Variants in SORCS3 observed in about 807,000 individuals in gnomAD.
SORCS3 encodes the protein sortilin related VPS10 domain containing receptor 3.
SORCS3 carries 57 observed loss-of-function variants against 146.3 expected under a neutral mutation model. That is an observed-to-expected ratio of 0.39 (90% CI 0.31 to 0.49). The LOEUF (loss-of-function observed/expected upper bound fraction) is 0.49. SORCS3 is among the 20% of genes least tolerant of loss of function. The pLI is 0.92. For synonymous variants in SORCS3, 653 were observed against 618.5 expected, an observed-to-expected ratio of 1.06 and a Z score of -0.83; for missense variants, 1,341 against 1,575.5, an observed-to-expected ratio of 0.85 and a Z score of 2.52.
chr10:105,038,232 TAA>T (rs2133700952), intron 4 of SORCS3, among the ~76,000 whole-genome samples: 1 of 152,328 alleles, frequency 6.6e-6, no homozygotes, highest in South Asian at 2.1e-4. Flanking sequence ...TGTAACTGTA[TAA>T]ACAAGGAAAG....
At chr10:104,787,974 A>G (rs946923016) in intron 1 of SORCS3, among the ~76,000 whole-genome samples, 1 of 152,180 alleles carries the variant, frequency 6.6e-6, no homozygotes, top group Non-Finnish European at 1.5e-5. Flanking sequence ...AAGCCCATCA[A>G]TGTGGCCTGG....
At chr10:104,821,355 A>G (rs2017870738) in intron 1 of SORCS3, among the ~76,000 whole-genome samples, 1 of 152,140 alleles carries the variant, frequency 6.6e-6, no homozygotes, top group Non-Finnish European at 1.5e-5. Context: ...CCTGCTGGGG[A>G]CAGGGCTTGA....
At chr10:104,905,182 A>G (rs2018892911) in intron 2 of SORCS3, among the ~76,000 whole-genome samples, 1 of 152,238 alleles carries the variant, frequency 6.6e-6, no homozygotes, top group Non-Finnish European at 1.5e-5. Context: ...GTAACACAGC[A>G]CAGAGAGCAG....
chr10:105,137,477 T>G (rs1385780761), intron 7 of SORCS3, among the ~76,000 whole-genome samples: 1 of 148,750 alleles, frequency 6.7e-6, no homozygotes, highest in Non-Finnish European at 1.5e-5. Context: ...TATTAGAGTA[T>G]GTGAATTTCA....
intron 3 of SORCS3, among the ~76,000 whole-genome samples, chr10:104,922,653 A>G (rs1449532784): frequency 6.6e-6 from 1 of 152,188 alleles, no homozygotes; most frequent in Non-Finnish European, 1.5e-5. Flanking sequence ...TTCTATATAG[A>G]TTTTAATATG....
At chr10:105,042,839 C>T (rs112693286) in intron 4 of SORCS3, among the ~76,000 whole-genome samples, 1,943 of 152,192 alleles carry the variant, frequency 0.013, 24 homozygotes, top group African/African-American at 0.034. Context: ...ATACTCTCCT[C>T]AAAAGTATCA....
chr10:105,125,068 C>T (rs74157445), intron 7 of SORCS3, among the ~76,000 whole-genome samples: 3,732 of 152,170 alleles, frequency 0.025, 152 homozygotes, highest in African/African-American at 0.084. Flanking sequence ...TGTCTACGGA[C>T]GGGGTCAGGA....
chr10:104,644,077 G>C (rs796196428), intron 1 of SORCS3, among the ~76,000 whole-genome samples: 71 of 152,314 alleles, frequency 4.7e-4, no homozygotes, highest in African/African-American at 1.7e-3. Flanking sequence ...CGTGCTCCCT[G>C]GGGAAATGAC....
intron 1 of SORCS3, among the ~76,000 whole-genome samples, chr10:104,770,065 A>T (rs1265238949): frequency 1.3e-5 from 2 of 152,180 alleles, no homozygotes; most frequent in Non-Finnish European, 1.5e-5. Flanking sequence ...TTCATCAGGA[A>T]TATCCAACTA....
intron 25 of SORCS3, among the ~76,000 whole-genome samples, chr10:105,257,734 G>A (rs1324692573): frequency 6.6e-6 from 1 of 152,054 alleles, no homozygotes; most frequent in East Asian, 1.9e-4. Context: ...TATTTTATAG[G>A]TTTGCTACAT....
At chr10:104,780,044 G>T (rs138593599) in intron 1 of SORCS3, among the ~76,000 whole-genome samples, 1 of 152,186 alleles carries the variant, frequency 6.6e-6, no homozygotes, top group African/African-American at 2.4e-5. Context: ...GGAAGGTGGG[G>T]CAGCGGGGCA....
intron 21 of SORCS3, among the ~76,000 whole-genome samples, chr10:105,246,408 A>G (rs2056866834): frequency 1.3e-5 from 2 of 148,570 alleles, no homozygotes; most frequent in East Asian, 3.9e-4. Flanking sequence ...TCATTTCTTC[A>G]TTTCTTCTTT....
chr10:104,706,346 C>G (rs1303050285), intron 1 of SORCS3, among the ~76,000 whole-genome samples: 9 of 151,036 alleles, frequency 6.0e-5, no homozygotes, highest in African/African-American at 2.2e-4. Flanking sequence ...TAGCTGGGGA[C>G]TACAGGCGTG....
At chr10:105,201,722 A>G (rs1292411397) in intron 16 of SORCS3, among the ~76,000 whole-genome samples, 2 of 152,094 alleles carry the variant, frequency 1.3e-5, no homozygotes, top group Non-Finnish European at 2.9e-5. Context: ...AATCTCACCT[A>G]TAGACAATTA....
At chr10:104,927,631 C>A (rs1001619938) in intron 3 of SORCS3, among the ~76,000 whole-genome samples, 2 of 152,130 alleles carry the variant, frequency 1.3e-5, no homozygotes, top group African/African-American at 2.4e-5. Flanking sequence ...GTAATCCCAG[C>A]ACTTTGGGAG....
At chr10:104,955,428 T>C (rs2019478893) in intron 3 of SORCS3, among the ~76,000 whole-genome samples, 1 of 152,246 alleles carries the variant, frequency 6.6e-6, no homozygotes, top group Admixed American at 6.5e-5. Context: ...AATGAACATT[T>C]AGATTGTTTC....
At chr10:104,822,976 A>G (rs994672491) in intron 1 of SORCS3, among the ~76,000 whole-genome samples, 4 of 152,178 alleles carry the variant, frequency 2.6e-5, no homozygotes, top group Non-Finnish European at 5.9e-5. Flanking sequence ...ACCAAGGCCA[A>G]CTCAGGAAGT....
At chr10:104,828,023 G>A (rs1163143431) in intron 1 of SORCS3, among the ~76,000 whole-genome samples, 2 of 152,196 alleles carry the variant, frequency 1.3e-5, no homozygotes, top group African/African-American at 2.4e-5. Context: ...AATGAGTGTT[G>A]TGGCTGGTTT....
At chr10:105,185,144 C>G (rs2056467070) in intron 14 of SORCS3, among the ~76,000 whole-genome samples, 1 of 152,140 alleles carries the variant, frequency 6.6e-6, no homozygotes, top group South Asian at 2.1e-4. Flanking sequence ...GTATATTCAG[C>G]TTTTGTTAAA....
Sources: gnomAD v4.1 joint callset for allele counts (sites outside exome capture counted in the v4.1 genomes callset) on GRCh38, gnomAD v4.1.1 for gene constraint, MANE v1.5 for transcripts, NCBI Gene and HGNC (gene_info 2026-07-23, HGNC 2026-07-21) for gene names.